The following HERC1 variants were observed in gnomAD, a reference collection of about 807,000 sequenced individuals.
HERC1 encodes the protein HECT and RLD domain containing E3 ubiquitin protein ligase family member 1.
In HERC1, 160 loss-of-function variants were observed where a neutral mutation model predicts 554.3. The observed-to-expected ratio is 0.29, with a 90% CI of 0.25 to 0.33. The LOEUF (loss-of-function observed/expected upper bound fraction) is 0.33, where lower values mean the gene tolerates loss of function less well. HERC1 is among the 10% of genes least tolerant of loss of function. The pLI is 1.00. For missense variants in HERC1, 4,919 were observed against 5,918.5 expected (o/e 0.83, Z 5.54); for synonymous variants, 2,175 against 2,131.7 (o/e 1.02, Z -0.56).
intron 44 of HERC1, 62 bp downstream of exon 44, chr15:63,662,922 A>C: frequency 8.0e-7 from 1 of 1,252,110 alleles, no homozygotes; most frequent in East Asian, 2.4e-5. Context: ...GCTGTTAGTA[A>C]GCTATATGAA....
Position 63,694,384 on chromosome 15 carries a change from C to T in HERC1, c.5408G>A (p.Gly1803Asp). 1.2e-6 allele frequency: 2 copies of T among 1,613,962 alleles called. No homozygotes were observed. Among genetic ancestry groups the T allele is most frequent in the Non-Finnish European group, 1.7e-6 (2 of 1,179,880 alleles). The part of the protein sequence containing the change: ...GQPLQLLPKT[G>D]VSQLSTALKV... ...CAAAGCTGTGCTAAGCTGGGAAACA[C>T]CCGTCTTTGGCAACAACTGCAGGGG... The change falls in exon 29 of 78, where the codon GGT becomes GAT. Residue 1803 changes from glycine to aspartate, a missense_variant. By Grantham distance (94) the Gly-to-Asp change is moderately conservative (BLOSUM62 -1). Coordinates refer to ENST00000443617, the MANE Select transcript of HERC1 (RefSeq NM_003922.4). The surrounding 1 kb of genome is among the most constrained non-coding windows in gnomAD (Gnocchi z 4.3).
chr15:63,665,512 C>T (rs531301609), intron 42 of HERC1, among the ~76,000 whole-genome samples: 8 of 151,706 alleles, frequency 5.3e-5, no homozygotes, highest in African/African-American at 1.2e-4. Context: ...TCCAGCCTGG[C>T]GACAGAGCGA....
intron 8 of HERC1, chr15:63,752,736 G>C: frequency 1.4e-5 from 6 of 425,254 alleles, no homozygotes. Flanking sequence ...TTAATACAAA[G>C]AACAGAGGCT....
chr15:63,670,475 G>A (rs1324311325), intron 39 of HERC1, among the ~76,000 whole-genome samples: 2 of 152,190 alleles, frequency 1.3e-5, no homozygotes, highest in Non-Finnish European at 2.9e-5. Context: ...TATACACACA[G>A]GAAGGAGTAG....
intron 19 of HERC1, among the ~76,000 whole-genome samples, chr15:63,720,102 C>CTTTTTTTTTTTT (rs1214451219): frequency 4.8e-5 from 1 of 20,960 alleles, no homozygotes. Context: ...CTTTTTCTTC[C>CTTTTTTTTTTTT]CTTTTTTTTT....
chr15:63,675,711 C>T (rs2071164220), intron 37 of HERC1, among the ~76,000 whole-genome samples: 1 of 151,856 alleles, frequency 6.6e-6, no homozygotes, highest in Non-Finnish European at 1.5e-5. Context: ...TATATATTTC[C>T]TGATATTGGC....
At chr15:63,815,257 C>T (rs117598128) in intron 1 of HERC1, among the ~76,000 whole-genome samples, 23 of 152,292 alleles carry the variant, frequency 1.5e-4, no homozygotes, top group Admixed American at 5.2e-4. Context: ...TTATATTTCA[C>T]GCTCTCCACC....
At chr15:63,795,163 A>G (rs2076776405) in intron 1 of HERC1, among the ~76,000 whole-genome samples, 1 of 152,030 alleles carries the variant, frequency 6.6e-6, no homozygotes, top group Non-Finnish European at 1.5e-5. Flanking sequence ...AAATGTATCA[A>G]TACAGTTTTA....
chr15:63,745,327 C>T (rs1024335346), intron 12 of HERC1, among the ~76,000 whole-genome samples: 3 of 152,184 alleles, frequency 2.0e-5, no homozygotes, highest in African/African-American at 4.8e-5. Flanking sequence ...CACTAGGACT[C>T]GCCTAAGAGT....
At chr15:63,649,972 GA>G in intron 53 of HERC1, 47 bp from the exon 54 acceptor site, 5 of 1,373,172 alleles carry the variant, frequency 3.6e-6, no homozygotes, top group Non-Finnish European at 5.0e-6. Context: ...TTCTTAAAAA[GA>G]AAAAAAGGAA....
chr15:63,761,346 G>A (rs1436317782), intron 3 of HERC1, among the ~76,000 whole-genome samples: 1 of 152,110 alleles, frequency 6.6e-6, no homozygotes, highest in Admixed American at 6.6e-5. Context: ...TTGGGAGCCC[G>A]AGGTAGAAGG....
chr15:63,677,890 C>T lies in HERC1; in HGVS notation c.7025G>A (p.Ser2342Asn), dbSNP rs763438642. 15 of 1,613,832 alleles carry T rather than the reference C, an allele frequency of 9.3e-6. No individual in the cohort carries two copies. The highest frequency in any genetic ancestry group is 1.3e-5 in the African/African-American group (1 of 74,932). The change falls in exon 37 of 78, where the codon AGC (serine) becomes AAC (asparagine). Residue 2342 changes from serine to asparagine, a missense_variant. Transcript: ENST00000443617. The surrounding 1 kb of genome is among the most constrained non-coding windows in gnomAD (Gnocchi z 4.4). ...ATCCCATTGGACCTTGGCAGACGTG[C>T]TGCCCTCTTTGACCACTCCCAGCAG... Reference protein sequence around the residue: ...ATLLGVVKEGSTSAKVQWDEA... With the variant: ...ATLLGVVKEGNTSAKVQWDEA...
chr15:63,721,661 T>C (rs567574187), intron 19 of HERC1, among the ~76,000 whole-genome samples: 32 of 152,294 alleles, frequency 2.1e-4, no homozygotes, highest in East Asian at 1.5e-3. Context: ...ATGTATTTAT[T>C]TTTGCCATTT....
chr15:63,712,737 A>C (rs1162526926), intron 24 of HERC1, 38 bp downstream of exon 24: 1 of 1,598,816 alleles, frequency 6.3e-7, no homozygotes, highest in South Asian at 1.1e-5. Context: ...ATACCTTGAA[A>C]ACAAAAATCT....
intron 57 of HERC1, among the ~76,000 whole-genome samples, chr15:63,644,486 T>C (rs932711313): frequency 6.6e-6 from 1 of 152,144 alleles, no homozygotes; most frequent in Non-Finnish European, 1.5e-5. Flanking sequence ...ATATAAAGCA[T>C]GTAAGCTTCT....
intron 3 of HERC1, among the ~76,000 whole-genome samples, chr15:63,762,273 C>T (rs2075636487): frequency 6.6e-6 from 1 of 152,108 alleles, no homozygotes; most frequent in South Asian, 2.1e-4. Context: ...GATAATAATT[C>T]AATGTGCTGA....
At chr15:63,777,057 A>C (rs1257075180) in intron 1 of HERC1, among the ~76,000 whole-genome samples, 2 of 152,210 alleles carry the variant, frequency 1.3e-5, no homozygotes, top group Non-Finnish European at 2.9e-5. Context: ...GCAAGTCCTC[A>C]GAATGTCACT....
At chr15:63,631,144 A>G (rs2152802990) in intron 68 of HERC1, among the ~76,000 whole-genome samples, 1 of 152,276 alleles carries the variant, frequency 6.6e-6, no homozygotes, top group South Asian at 2.1e-4. Flanking sequence ...ATGCCTGGCT[A>G]ATTTTAAGTT....
chr15:63,738,657 T>C (rs1180135628), intron 12 of HERC1, among the ~76,000 whole-genome samples: 2 of 152,142 alleles, frequency 1.3e-5, no homozygotes, highest in Admixed American at 6.5e-5. Flanking sequence ...GATAAATTAC[T>C]ATAAGTTTCA....
Sources: gnomAD v4.1 joint callset for allele counts (sites outside exome capture counted in the v4.1 genomes callset) on GRCh38, gnomAD v4.1.1 for gene constraint, Gnocchi (gnomAD v3.1) non-coding constraint, MANE v1.5 for transcripts, NCBI Gene and HGNC (gene_info 2026-07-23, HGNC 2026-07-21) for gene names.